The following ASTN2 variants were observed in gnomAD, a reference collection of about 807,000 sequenced individuals.
ASTN2 encodes astrotactin-2.
ASTN2 carries 54 observed loss-of-function variants against 139.8 expected under a neutral mutation model. The ratio of observed to expected loss-of-function variants is 0.39; its 90% CI spans 0.31 to 0.48. The LOEUF (loss-of-function observed/expected upper bound fraction) is 0.48, where lower values mean the gene tolerates loss of function less well. Among genes scored for constraint, ASTN2 ranks in the 20% least tolerant of loss-of-function variants. The pLI is 0.95. For synonymous variants in ASTN2, 756 were observed against 719.5 expected (o/e 1.05, Z -0.81); for missense variants, 1,565 against 1,725.1 (o/e 0.91, Z 1.64).
At chr9:116,749,102 A>C (rs1829330956) in intron 13 of ASTN2, among the ~76,000 whole-genome samples, 1 of 152,058 alleles carries the variant, frequency 6.6e-6, no homozygotes, top group Non-Finnish European at 1.5e-5. Flanking sequence ...TCCTCATCAG[A>C]AAAATGGAAA....
At chr9:116,808,921 G>A (rs1392515664) in intron 12 of ASTN2, among the ~76,000 whole-genome samples, 2 of 151,852 alleles carry the variant, frequency 1.3e-5, no homozygotes, top group Non-Finnish European at 2.9e-5. Context: ...TTCATGTTAC[G>A]GTCACTTGCA....
At chr9:117,348,336 T>C (rs756708041) in intron 1 of ASTN2, among the ~76,000 whole-genome samples, 14 of 152,238 alleles carry the variant, frequency 9.2e-5, no homozygotes, top group Non-Finnish European at 1.6e-4. Context: ...CTTTTAACTC[T>C]ACCGATACTC....
At chr9:116,663,688 T>C (rs564912782) in intron 16 of ASTN2, among the ~76,000 whole-genome samples, 8 of 152,282 alleles carry the variant, frequency 5.3e-5, no homozygotes, top group African/African-American at 1.7e-4. Flanking sequence ...CTGTCTTATA[T>C]TGAGGCAATC....
At chr9:116,723,505 C>G (rs370560613) in intron 16 of ASTN2, among the ~76,000 whole-genome samples, 1 of 152,266 alleles carries the variant, frequency 6.6e-6, no homozygotes, top group Non-Finnish European at 1.5e-5. Context: ...TTCTGCCCAC[C>G]GAGTTATCAG....
At chr9:116,637,386 T>C (rs530742029) in intron 17 of ASTN2, among the ~76,000 whole-genome samples, 4 of 152,338 alleles carry the variant, frequency 2.6e-5, no homozygotes, top group Admixed American at 6.5e-5. Context: ...ATCTCTTAAT[T>C]TGTGAAACAA....
intron 3 of ASTN2, among the ~76,000 whole-genome samples, chr9:117,191,420 T>G (rs996671221): frequency 6.6e-6 from 1 of 152,208 alleles, no homozygotes; most frequent in Non-Finnish European, 1.5e-5. Flanking sequence ...AAAGTTACTG[T>G]GGCTATTCAA....
intron 13 of ASTN2, among the ~76,000 whole-genome samples, chr9:116,742,261 C>T (rs895638733): frequency 6.6e-5 from 10 of 152,232 alleles, no homozygotes; most frequent in African/African-American, 2.4e-4. Flanking sequence ...TATCAAAAGA[C>T]AGACCTGCTG....
intron 11 of ASTN2, among the ~76,000 whole-genome samples, chr9:116,822,189 A>T (rs1831502352): frequency 2.5e-5 from 1 of 40,590 alleles, no homozygotes; most frequent in Non-Finnish European, 4.5e-5. Flanking sequence ...AAAAACCACA[A>T]TAACAAAAAA....
intron 19 of ASTN2, among the ~76,000 whole-genome samples, chr9:116,571,795 T>A (rs1259276812): frequency 6.6e-6 from 1 of 152,154 alleles, no homozygotes; most frequent in Non-Finnish European, 1.5e-5. Context: ...ATCTACTGTA[T>A]GTGTCTGTGT....
chr9:117,336,966 T>C (rs1222424389), intron 1 of ASTN2, among the ~76,000 whole-genome samples: 1 of 152,230 alleles, frequency 6.6e-6, no homozygotes, highest in East Asian at 1.9e-4. Context: ...TCCTCTTAGC[T>C]GTGTATCTGT....
intron 20 of ASTN2, among the ~76,000 whole-genome samples, chr9:116,444,593 T>C (rs566840845): frequency 1.3e-5 from 2 of 152,204 alleles, no homozygotes; most frequent in Admixed American, 6.5e-5. Context: ...CAGCTTTGAC[T>C]TCCCATGACC....
intron 1 of ASTN2, among the ~76,000 whole-genome samples, chr9:117,308,389 GA>G (rs1477939838): frequency 6.6e-6 from 1 of 152,094 alleles, no homozygotes; most frequent in African/African-American, 2.4e-5. Context: ...ATTTTACAGA[GA>G]AAAAAACTGA....
At chr9:117,116,160 A>G (rs1011546343) in intron 4 of ASTN2, among the ~76,000 whole-genome samples, 2 of 152,130 alleles carry the variant, frequency 1.3e-5, no homozygotes, top group African/African-American at 4.8e-5. Context: ...AGAGCTGTGG[A>G]ACACATGGCA....
chr9:117,394,604 A>C (rs2130950725), intron 1 of ASTN2, among the ~76,000 whole-genome samples: 1 of 152,350 alleles, frequency 6.6e-6, no homozygotes, highest in Admixed American at 6.5e-5. Flanking sequence ...TGAGGAAAGT[A>C]GCTTATACGA....
chr9:117,137,128 A>G (rs1588004204), intron 4 of ASTN2, among the ~76,000 whole-genome samples: 1 of 152,066 alleles, frequency 6.6e-6, no homozygotes, highest in Admixed American at 6.6e-5. Flanking sequence ...GCCTCATAAA[A>G]CCCCAGCACT....
Position 116,810,846 on chromosome 9 carries a change from A to G in ASTN2, c.2208-5026T>C, listed in dbSNP as rs1387247552. 3.3e-5 allele frequency among the ~76,000 whole-genome samples: 5 copies of G among 152,194 alleles called. No individual in the cohort carries two copies. In the East Asian group the frequency reaches 7.7e-4, roughly 24 times the overall value. ...CTCGATGGCTTCTTTTCAGTTGTAG[A>G]TATTTAGCTCTTATCATTTATTTCC... On this transcript the variant is annotated intron_variant, in intron 12 of 22. Transcript: ENST00000313400.
intron 11 of ASTN2, among the ~76,000 whole-genome samples, chr9:116,856,440 C>T (rs1457455431): frequency 6.6e-5 from 10 of 152,318 alleles, no homozygotes; most frequent in Non-Finnish European, 1.5e-4. Flanking sequence ...TGATTTCTCA[C>T]TCTGCTGACT....
chr9:117,225,103 G>C (rs1398985439), intron 2 of ASTN2, among the ~76,000 whole-genome samples: 1 of 152,114 alleles, frequency 6.6e-6, no homozygotes, highest in African/African-American at 2.4e-5. Flanking sequence ...GGTTGAATTT[G>C]AATGGTACAC....
intron 14 of ASTN2, among the ~76,000 whole-genome samples, chr9:116,730,490 T>C (rs1372616920): frequency 6.6e-6 from 1 of 152,210 alleles, no homozygotes; most frequent in African/African-American, 2.4e-5. Flanking sequence ...ATCCTCTTTG[T>C]TTATCTGCTC....
Sources: allele counts gnomAD v4.1 joint callset (sites outside exome capture counted in the v4.1 genomes callset), GRCh38; gene constraint gnomAD v4.1.1; transcripts MANE v1.5; gene names NCBI Gene and HGNC (gene_info 2026-07-23, HGNC 2026-07-21).